Variants in PBRM1 observed in about 807,000 individuals in gnomAD.
PBRM1 encodes protein polybromo-1.
A neutral mutation model predicts 194.5 loss-of-function variants in PBRM1; 27 were observed. That is an observed-to-expected ratio of 0.14 (90% CI 0.10 to 0.19). PBRM1 has a LOEUF of 0.19. PBRM1 is among the 10% of genes least tolerant of loss of function. The pLI, the probability that PBRM1 is intolerant of heterozygous loss-of-function variation, is 1.00. For synonymous variants in PBRM1, 655 were observed against 693.2 expected, an observed-to-expected ratio of 0.94 and a Z score of 0.87; for missense variants, 1,466 against 2,077.2, an observed-to-expected ratio of 0.71 and a Z score of 5.72.
At chr3:52,622,991 A>G (rs2095332115) in intron 13 of PBRM1, among the ~76,000 whole-genome samples, 1 of 152,220 alleles carries the variant, frequency 6.6e-6, no homozygotes, top group Non-Finnish European at 1.5e-5. Flanking sequence ...AAATATAATT[A>G]TTACCCCAAC....
chr3:52,588,271 G>A lies in PBRM1; in HGVS notation c.2966-761C>T, dbSNP rs181795149. ...CTGGATCACATTTCCACCAACTTCT[G>A]GCTTCATTAATTTCTATGCATACTC... On this transcript the variant is annotated intron_variant, in intron 18 of 29. Transcript: ENST00000296302. Among the ~76,000 whole-genome samples the A allele has an allele frequency of 1.4e-3, 209 of 152,226 alleles. 1 individual carries two copies. Among genetic ancestry groups the A allele is most frequent in the Admixed American group, 0.011 (163 of 15,280 alleles).
intron 16 of PBRM1, among the ~76,000 whole-genome samples, chr3:52,608,667 G>A: frequency 6.6e-6 from 1 of 150,722 alleles, no homozygotes. Context: ...CTGTCTCTAA[G>A]TGCACATATA....
At chr3:52,619,143 C>G (rs113147275) in intron 13 of PBRM1, among the ~76,000 whole-genome samples, 1 of 152,224 alleles carries the variant, frequency 6.6e-6, no homozygotes, top group South Asian at 2.1e-4. Flanking sequence ...ATCCGCCCAC[C>G]TTGGCCTCCC....
chr3:52,581,332 A>G (rs2091110558), intron 20 of PBRM1, among the ~76,000 whole-genome samples: 1 of 152,096 alleles, frequency 6.6e-6, no homozygotes, highest in Non-Finnish European at 1.5e-5. Flanking sequence ...CAACATGGTA[A>G]AACCCCATCT....
chr3:52,565,614 A>AT (rs2084939156), intron 22 of PBRM1, among the ~76,000 whole-genome samples: 1 of 152,216 alleles, frequency 6.6e-6, no homozygotes, highest in Admixed American at 6.5e-5. Flanking sequence ...TGCAAATCAT[A>AT]TATCTAGTAA....
chr3:52,636,853 C>T (rs1347416705), intron 10 of PBRM1, among the ~76,000 whole-genome samples: 4 of 114,906 alleles, frequency 3.5e-5, no homozygotes, highest in East Asian at 4.8e-4. Flanking sequence ...AGTGAGACTC[C>T]GCCTTAAAAA....
intron 13 of PBRM1, 75 bp downstream of exon 15, chr3:52,624,822 C>T: frequency 1.0e-6 from 1 of 980,246 alleles, no homozygotes; most frequent in Non-Finnish European, 1.6e-6. Context: ...CTTCACTTTT[C>T]ACCTAATCAG....
intron 16 of PBRM1, among the ~76,000 whole-genome samples, chr3:52,606,513 G>A (rs1230155671): frequency 1.3e-5 from 2 of 151,936 alleles, no homozygotes; most frequent in African/African-American, 2.4e-5. Flanking sequence ...CCATCATATC[G>A]CATGGTTTAG....
In PBRM1 at chr3:52,548,929, A is replaced by T. The variant is rs562249423; in HGVS notation, c.4898-694T>A. Among the ~76,000 whole-genome samples, 4 of 152,346 alleles carry T rather than the reference A, an allele frequency of 2.6e-5. No individual in the cohort carries two copies. In the South Asian group the frequency reaches 8.3e-4, roughly 32 times the overall value. On this transcript the variant is annotated intron_variant, in intron 29 of 29. Coordinates refer to ENST00000296302, the Ensembl canonical transcript of PBRM1. ...TCTCCAGAAACTACACAAGTACTTTAGTACATACTGAAAATACATAAGTAT... is the reference window on the plus strand; with the variant it reads ...TCTCCAGAAACTACACAAGTACTTTTGTACATACTGAAAATACATAAGTAT...
chr3:52,662,358 GCAAAGA>G (rs1025219607), intron 3 of PBRM1, 82 bp from the exon 5 acceptor site: 16 of 1,185,076 alleles, frequency 1.4e-5, no homozygotes, highest in Admixed American at 2.4e-5. Flanking sequence ...ACCTGTTTCA[GCAAAGA>G]CCAAAAATTG....
At chr3:52,574,000 T>C (rs1295260269) in intron 22 of PBRM1, among the ~76,000 whole-genome samples, 2 of 152,258 alleles carry the variant, frequency 1.3e-5, no homozygotes, top group Non-Finnish European at 1.5e-5. Context: ...TAATGCAAAG[T>C]GCTTGCCTTT....
chr3:52,618,855 A>G (rs1576856795), intron 13 of PBRM1, among the ~76,000 whole-genome samples: 1 of 151,824 alleles, frequency 6.6e-6, no homozygotes, highest in Admixed American at 6.6e-5. Context: ...GGGTTCAAGC[A>G]ATTCTCTTGC....
chr3:52,636,243 C>T (rs527420251), intron 10 of PBRM1, among the ~76,000 whole-genome samples: 1 of 152,054 alleles, frequency 6.6e-6, no homozygotes, highest in African/African-American at 2.4e-5. Flanking sequence ...TTTAAAACAT[C>T]CCCCAGGACT....
intron 20 of PBRM1, among the ~76,000 whole-genome samples, chr3:52,580,452 G>A (rs964993349): frequency 2.0e-5 from 3 of 151,932 alleles, no homozygotes; most frequent in Non-Finnish European, 2.9e-5. Context: ...TCCGCCTCCC[G>A]GGTTCACGCC....
chr3:52,571,366 G>A (rs1559961423), intron 22 of PBRM1, among the ~76,000 whole-genome samples: 1 of 149,202 alleles, frequency 6.7e-6, no homozygotes, highest in Non-Finnish European at 1.5e-5. Context: ...GGTGGCTCAC[G>A]TCTGTAATCC....
chr3:52,568,065 G>C (rs1459660374), intron 22 of PBRM1, among the ~76,000 whole-genome samples: 2 of 152,032 alleles, frequency 1.3e-5, no homozygotes, highest in Non-Finnish European at 2.9e-5. Flanking sequence ...TGCAACCTCT[G>C]CCTCCTGGGT....
At chr3:52,615,488 C>A in intron 14 of PBRM1, 32 bp from the exon 17 acceptor site, 1 of 1,302,832 alleles carries the variant, frequency 7.7e-7, no homozygotes, top group Non-Finnish European at 1.1e-6. Flanking sequence ...CAATTATTTT[C>A]TAAAAACTTT....
exon 29 of PBRM1, chr3:52,550,548 T>C (rs748688341): frequency 1.9e-6 from 3 of 1,559,594 alleles, no homozygotes; most frequent in South Asian, 2.4e-5. Flanking sequence ...ACATGGGTGT[T>C]GTTGGCTGCT....
intron 25 of PBRM1, among the ~76,000 whole-genome samples, chr3:52,561,099 C>A (rs1264491359): frequency 6.6e-6 from 1 of 151,734 alleles, no homozygotes; most frequent in Non-Finnish European, 1.5e-5. Context: ...AAAAAACCCA[C>A]AAAAACAAAA....
Sources: allele counts gnomAD v4.1 joint callset (sites outside exome capture counted in the v4.1 genomes callset), GRCh38; gene constraint gnomAD v4.1.1; transcripts MANE v1.5; gene names NCBI Gene and HGNC (gene_info 2026-07-23, HGNC 2026-07-21).